The following TRAPPC9 variants were observed in gnomAD, a reference collection of about 807,000 sequenced individuals.
TRAPPC9 encodes IKK2 binding protein.
In TRAPPC9, 83 loss-of-function variants were observed where a neutral mutation model predicts 124.0. That is an observed-to-expected ratio of 0.67 (90% CI 0.56 to 0.80). TRAPPC9 has a LOEUF of 0.80. Ranked by LOEUF, TRAPPC9 falls within the 30% of genes least tolerant of loss-of-function variation. The pLI, the probability that TRAPPC9 is intolerant of heterozygous loss-of-function variation, is 0.00. For synonymous variants in TRAPPC9, 638 were observed against 617.5 expected (o/e 1.03, Z -0.49); for missense variants, 1,302 against 1,508.3 (o/e 0.86, Z 2.27).
Position 139,730,938 on chromosome 8 carries a change from G to T in TRAPPC9, c.*123C>A. On this transcript the variant is annotated 3_prime_UTR_variant, in exon 23 of 23. Transcript: ENST00000438773. ...AGGAGGAACAGGAGGAGAGGGCTGG[G>T]AGGGGTCTGGGGGAGGAGGAGGAGA... The T allele has an allele frequency of 9.1e-7, 1 of 1,098,560 alleles. No individual in the cohort carries two copies. The highest frequency in any genetic ancestry group is 1.5e-5 in the African/African-American group (1 of 64,664). 68.1% of individuals were successfully genotyped at this position (1,098,560 alleles called of 1,614,324 possible).
intron 21 of TRAPPC9, among the ~76,000 whole-genome samples, chr8:139,873,278 G>A (rs1829119851): frequency 6.6e-6 from 1 of 152,154 alleles, no homozygotes; most frequent in Non-Finnish European, 1.5e-5. Flanking sequence ...TTTTCCTCAT[G>A]GATAGAAAGA....
chr8:140,454,017 G>A (rs892185762), intron 1 of TRAPPC9, among the ~76,000 whole-genome samples: 13 of 152,182 alleles, frequency 8.5e-5, no homozygotes, highest in African/African-American at 2.9e-4. Context: ...GGCCAGACAC[G>A]GTGGCTCACA....
rs548158501 is a variant in TRAPPC9, at chr8:139,731,585, A to C, written c.3280-357T>G. Among the ~76,000 whole-genome samples, 15 of 151,982 alleles carry C rather than the reference A, an allele frequency of 9.9e-5. No individual in the cohort carries two copies. In the East Asian group the frequency reaches 2.7e-3, roughly 28 times the overall value. On this transcript the variant is annotated intron_variant, in intron 22 of 22. Transcript: ENST00000438773. ...GCTGAGAGGCAGCTTGAGAGGTAGGAGGTGGGAGGTGGGGGCTGAGGGCGT... is the reference window on the plus strand; with the variant it reads ...GCTGAGAGGCAGCTTGAGAGGTAGGCGGTGGGAGGTGGGGGCTGAGGGCGT...
intron 21 of TRAPPC9, among the ~76,000 whole-genome samples, chr8:139,859,432 T>A (rs571542561): frequency 1.3e-5 from 2 of 152,296 alleles, no homozygotes; most frequent in East Asian, 3.9e-4. Context: ...AATTTCTGCA[T>A]AATAAAGTTC....
In TRAPPC9 at chr8:140,339,777, C is replaced by T. The variant is rs77904052; in HGVS notation, c.1495+20273G>A. On this transcript the variant is annotated intron_variant, in intron 9 of 22. Transcript: ENST00000438773. Reference sequence around the variant, plus strand: ...ATCTTATTCTCACATGGTCCTGATACAGAGATGCCTACATTTTCATCACTG... The same window carrying T: ...ATCTTATTCTCACATGGTCCTGATATAGAGATGCCTACATTTTCATCACTG... Among the ~76,000 whole-genome samples, 144 of 152,322 alleles carry T rather than the reference C, an allele frequency of 9.5e-4. 1 individual carries two copies. Among genetic ancestry groups the T allele is most frequent in the East Asian group, 7.9e-3 (41 of 5,184 alleles).
intron 20 of TRAPPC9, among the ~76,000 whole-genome samples, chr8:139,888,535 G>A (rs1379026592): frequency 2.6e-5 from 4 of 151,994 alleles, no homozygotes; most frequent in East Asian, 1.9e-4. Flanking sequence ...CCTCCCTCTC[G>A]GAGGAGATGC....
At chr8:140,292,233 C>G (rs991747069) in intron 11 of TRAPPC9, among the ~76,000 whole-genome samples, 1 of 152,184 alleles carries the variant, frequency 6.6e-6, no homozygotes, top group African/African-American at 2.4e-5. Flanking sequence ...TGAGGCACTT[C>G]CACACAGGTT....
rs562750354 is a variant in TRAPPC9, at chr8:140,085,764, T to C, written c.2557-61685A>G. Among the ~76,000 whole-genome samples, 10 of 152,370 alleles carry C rather than the reference T, an allele frequency of 6.6e-5. No individual in the cohort carries two copies. The East Asian group carries it at 1.9e-3, about 29-fold the overall frequency. On this transcript the variant is annotated intron_variant, in intron 17 of 22. Coordinates refer to ENST00000438773, the MANE Select transcript of TRAPPC9 (RefSeq NM_001160372.4). ...TACAAAAGCAGATGACAGCCTCTGCTGTGGGTAATCGTGTCCCGATCTGGC... is the reference window on the plus strand; with the variant it reads ...TACAAAAGCAGATGACAGCCTCTGCCGTGGGTAATCGTGTCCCGATCTGGC...
chr8:140,290,977 G>C lies in TRAPPC9; in HGVS notation c.1854+16C>G. On this transcript the variant is annotated intron_variant, in intron 12 of 22. Transcript: ENST00000438773. Reference sequence around the variant, plus strand: ...GTATGTTAGCCCAAAAAGGTCAAATGATTGGTGATACATACCATGTTTTCA... The same window carrying C: ...GTATGTTAGCCCAAAAAGGTCAAATCATTGGTGATACATACCATGTTTTCA... 1 of 1,610,708 alleles carries C rather than the reference G, an allele frequency of 6.2e-7. No homozygotes were observed. The highest frequency in any genetic ancestry group is 8.5e-7 in the Non-Finnish European group (1 of 1,176,858).
chr8:140,226,227 C>T (rs1176810528), intron 16 of TRAPPC9, among the ~76,000 whole-genome samples: 1 of 152,158 alleles, frequency 6.6e-6, no homozygotes, highest in Non-Finnish European at 1.5e-5. Flanking sequence ...GAAAAGCCCT[C>T]CTTTGAGATT....
At chr8:140,051,568 TG>T (rs1842002971) in intron 17 of TRAPPC9, among the ~76,000 whole-genome samples, 2 of 148,326 alleles carry the variant, frequency 1.3e-5, no homozygotes, top group Admixed American at 1.3e-4. Flanking sequence ...AGGAAAACAT[TG>T]TTCATTCTTT....
At chr8:140,091,016 G>T (rs912195232) in intron 17 of TRAPPC9, among the ~76,000 whole-genome samples, 2 of 152,212 alleles carry the variant, frequency 1.3e-5, no homozygotes, top group Admixed American at 1.3e-4. Context: ...TCAGCCTCAA[G>T]GACTGACAGA....
intron 10 of TRAPPC9, among the ~76,000 whole-genome samples, chr8:140,301,370 T>C (rs1308812743): frequency 2.0e-5 from 3 of 152,244 alleles, no homozygotes; most frequent in Admixed American, 1.3e-4. Flanking sequence ...ATATGTATTC[T>C]CTCACTTAAA....
chr8:139,837,078 C>A (rs377278352), intron 21 of TRAPPC9, among the ~76,000 whole-genome samples: 2 of 152,072 alleles, frequency 1.3e-5, no homozygotes, highest in East Asian at 3.9e-4. Flanking sequence ...GTCTATGCAC[C>A]GGTGGTGTTA....
At chr8:140,103,786 G>A (rs1198762198) in intron 17 of TRAPPC9, among the ~76,000 whole-genome samples, 2 of 152,124 alleles carry the variant, frequency 1.3e-5, no homozygotes, top group Non-Finnish European at 2.9e-5. Flanking sequence ...ACAGATGAAG[G>A]TACTAAGAGG....
Position 140,087,710 on chromosome 8 carries a change from C to T in TRAPPC9, c.2557-63631G>A, listed in dbSNP as rs2130117674. ...TTGTCTGGACAATGCCACTGGCTCC[C>T]CACCTCGTCTCCCCTGCCTCTACTC... is the stretch of plus-strand genomic sequence containing the variant. On this transcript the variant is annotated intron_variant, in intron 17 of 22. Transcript: ENST00000438773. This position sits in a 1 kb window ranked among gnomAD's most constrained non-coding sequence, Gnocchi z 4.6. Among the ~76,000 whole-genome samples the T allele has an allele frequency of 6.6e-6, 1 of 152,316 alleles. No homozygotes were observed. The highest frequency in any genetic ancestry group is 1.5e-5 in the Non-Finnish European group (1 of 68,026).
intron 21 of TRAPPC9, among the ~76,000 whole-genome samples, chr8:139,810,523 C>G (rs1407993180): frequency 6.6e-6 from 1 of 152,132 alleles, no homozygotes; most frequent in Non-Finnish European, 1.5e-5. Context: ...CAGGGCTCCC[C>G]CATCCCCTGA....
At chr8:139,769,685 G>T (rs1441429101) in intron 21 of TRAPPC9, among the ~76,000 whole-genome samples, 1 of 152,182 alleles carries the variant, frequency 6.6e-6, no homozygotes, top group Admixed American at 6.5e-5. Flanking sequence ...AAATAAGATT[G>T]AATAGTAATG....
chr8:140,285,661 C>T (rs1250602507), intron 13 of TRAPPC9, among the ~76,000 whole-genome samples: 1 of 151,990 alleles, frequency 6.6e-6, no homozygotes, highest in Non-Finnish European at 1.5e-5. Context: ...TTCTCTCTTA[C>T]CACCACGTTG....
Sources: allele counts gnomAD v4.1 joint callset (sites outside exome capture counted in the v4.1 genomes callset), GRCh38; gene constraint gnomAD v4.1.1; non-coding constraint Gnocchi (gnomAD v3.1); transcripts MANE v1.5; gene names NCBI Gene and HGNC (gene_info 2026-07-23, HGNC 2026-07-21).